The following LTBP4 variants were observed in gnomAD, a reference collection of about 807,000 sequenced individuals.
LTBP4 encodes latent-transforming growth factor beta-binding protein 4.
Under a neutral mutation model 180.2 loss-of-function variants are expected in LTBP4, and 93 were observed. That is an observed-to-expected ratio of 0.52 (90% CI 0.44 to 0.61). LTBP4 has a LOEUF of 0.61. Ranked by LOEUF, LTBP4 falls within the 20% of genes least tolerant of loss-of-function variation. LTBP4 has a pLI of 0.00. For missense variants in LTBP4, 2,116 were observed against 2,256.5 expected (o/e 0.94, Z 1.26); for synonymous variants, 947 against 934.5 (o/e 1.01, Z -0.24).
chr19:40,606,974 C>T (rs2081467441), intron 6 of LTBP4, among the ~76,000 whole-genome samples: 1 of 152,168 alleles, frequency 6.6e-6, no homozygotes, highest in African/African-American at 2.4e-5. Context: ...TGGCCTCAAA[C>T]CCCTGGCTTC....
rs201533251 is a variant in LTBP4, at chr19:40,613,975, G to C, written c.2617G>C (p.Gly873Arg). ...GAGCGGCATCTGTACCAACACCGAC[G>C]GCTCCTTCGAGTGCATCTGTCCTCC... ...CQSGICTNTD[G>R]SFECICPPGH... Residue 873 changes from glycine to arginine, a missense_variant, in exon 18 of 30, where the codon GGC becomes CGC. Physicochemically the swap from Gly to Arg is moderately radical, Grantham distance 125 (BLOSUM62 -2). This residue lies in a region of LTBP4 where 877 missense variants were observed against 873.6 expected (regional missense o/e 1.00). Coordinates refer to ENST00000396819, the MANE Select transcript of LTBP4 (RefSeq NM_001042545.2). This position sits in a 1 kb window ranked among gnomAD's most constrained non-coding sequence, Gnocchi z 5.0. 3.2e-4 allele frequency: 523 copies of C among 1,613,670 alleles called. No individual in the cohort carries two copies. Among genetic ancestry groups the C allele is most frequent in the Non-Finnish European group, 4.3e-4 (503 of 1,179,820 alleles).
chr19:40,600,904 C>T (rs1260897706), upstream of LTBP4, among the ~76,000 whole-genome samples: 1 of 152,138 alleles, frequency 6.6e-6, no homozygotes, highest in African/African-American at 2.4e-5. This position sits in a 1 kb window ranked among gnomAD's most constrained non-coding sequence, Gnocchi z 4.4. Context: ...CGACCCTTCT[C>T]CCATCCCTCA....
Position 40,613,045 on chromosome 19 carries a change from AACACCCCCAC to A in LTBP4, c.2300-19_2300-10del. 1 of 1,609,954 alleles carries A rather than the reference AACACCCCCAC, an allele frequency of 6.2e-7. No homozygotes were observed. Among genetic ancestry groups the A allele is most frequent in the Admixed American group, 1.7e-5 (1 of 59,594 alleles). On this transcript the variant is annotated splice_polypyrimidine_tract_variant and intron_variant, in intron 15 of 29. Coordinates refer to ENST00000396819, the MANE Select transcript of LTBP4 (RefSeq NM_001042545.2). This position sits in a 1 kb window ranked among gnomAD's most constrained non-coding sequence, Gnocchi z 5.0. ...GTGTCCCGAGACTGGACCCTTTCTG[AACACCCCCAC>A]CCCCCACAGATGTGGACGAATGCAG...
In LTBP4 at chr19:40,614,369, A is replaced by G. The variant is rs774224570; in HGVS notation, c.2735A>G (p.Glu912Gly). 15 of 1,600,342 alleles carry G rather than the reference A, an allele frequency of 9.4e-6. No individual in the cohort carries two copies. Among genetic ancestry groups the G allele is most frequent in the Middle Eastern group, 1.6e-4 (1 of 6,084 alleles). ...GCCCTGTGCGGGTCGCAGCGCTGTG[A>G]GAACTCTCCCGGCTCCTACCGCTGT... The part of the protein sequence containing the change: ...GPALCGSQRC[E>G]NSPGSYRCVR... The change falls in exon 19 of 30, where the codon GAG becomes GGG. Residue 912 changes from glutamate (E) to glycine (G), a missense_variant. Transcript: ENST00000396819.
In LTBP4 at chr19:40,609,405, G is replaced by T; in HGVS notation, c.1427-125G>T. ...AAGATGGAGATCAGAAGAAGACTGG[G>T]CTTGCTTGGGGAGGAGACATCCATG... On this transcript the variant is annotated intron_variant, in intron 9 of 29. Coordinates refer to ENST00000396819, the MANE Select transcript of LTBP4 (RefSeq NM_001042545.2). The surrounding 1 kb of genome is among the most constrained non-coding windows in gnomAD (Gnocchi z 4.9). 8.1e-7 allele frequency: 1 copy of T among 1,237,176 alleles called. No individual in the cohort carries two copies. Among genetic ancestry groups the T allele is most frequent in the East Asian group, 2.4e-5 (1 of 42,306 alleles). The allele number at this position is 1,237,176 out of a possible 1,614,324, so 76.6% of individuals were successfully genotyped here. A position where few individuals can be genotyped will look rare whatever the true frequency, so the allele number is the denominator to read the frequency against.
At chr19:40,600,601 G>A (rs989618268), upstream of LTBP4, among the ~76,000 whole-genome samples, 2 of 152,020 alleles carry the variant, frequency 1.3e-5, no homozygotes, top group Non-Finnish European at 2.9e-5. This position sits in a 1 kb window ranked among gnomAD's most constrained non-coding sequence, Gnocchi z 4.4. Flanking sequence ...CCCTCCTCCC[G>A]CTCCAGCTCT....
chr19:40,614,572 G>T, intron 19 of LTBP4, 126 bp downstream of exon 19: 2 of 1,240,634 alleles, frequency 1.6e-6, no homozygotes, highest in Non-Finnish European at 2.2e-6. Flanking sequence ...CCCTCTCACC[G>T]TATCTCTGTA....
Position 40,613,673 on chromosome 19 carries a change from C to T in LTBP4, c.2557+144C>T. The T allele has an allele frequency of 7.4e-7, 1 of 1,356,686 alleles. No homozygotes were observed. Among genetic ancestry groups the T allele is most frequent in the Non-Finnish European group, 1.0e-6 (1 of 989,750 alleles). The allele number at this position is 1,356,686 out of a possible 1,614,324, so 84.0% of individuals were successfully genotyped here. ...ATCAGGGGGCAGCTGGTGGGAGTCTCGAGGCAGTGAGGGGGGGCGGGGCGT... is the reference window on the plus strand; with the variant it reads ...ATCAGGGGGCAGCTGGTGGGAGTCTTGAGGCAGTGAGGGGGGGCGGGGCGT... On this transcript the variant is annotated intron_variant, in intron 17 of 29. Transcript: ENST00000396819. This position sits in a 1 kb window ranked among gnomAD's most constrained non-coding sequence, Gnocchi z 5.0.
At chr19:40,604,947 G>T in intron 1 of LTBP4, 88 bp from the exon 2 acceptor site, 1 of 1,253,050 alleles carries the variant, frequency 8.0e-7, no homozygotes, top group Non-Finnish European at 1.1e-6. Flanking sequence ...GAGCGACTTA[G>T]AAATGAATGA....
At position 40,625,325 on chromosome 19, in the gene LTBP4, T is replaced by TTG. The variant is rs1321383792; in HGVS notation, c.3833-531_3833-530insGT. On this transcript the variant is annotated intron_variant, in intron 26 of 29. Transcript: ENST00000396819. ...ATATATATATATATATATTTTTTTT[T>TTG]TTAAAGATGGGTTTTTGCCATGTTG... Among the ~76,000 whole-genome samples, 2 of 75,018 alleles carry TTG rather than the reference T, an allele frequency of 2.7e-5. 1 individual carries two copies. The highest frequency in any genetic ancestry group is 4.7e-5 in the Non-Finnish European group (2 of 42,464). The allele number at this position is 75,018 out of a possible 152,430, so 49.2% of individuals were successfully genotyped here.
chr19:40,623,848 A>G, intron 25 of LTBP4, 88 bp from the exon 26 acceptor site: 1 of 1,598,720 alleles, frequency 6.3e-7, no homozygotes, highest in South Asian at 1.1e-5. Flanking sequence ...TCTAGACTCC[A>G]TCCATCACAC....
Position 40,601,399 on chromosome 19 carries a change from C to T in LTBP4, c.12C>T (p.Gly4=), listed in dbSNP as rs2081422716. Residue 4 remains glycine, a synonymous_variant, in exon 1 of 30, where the codon GGC becomes GGT. Coordinates refer to ENST00000396819, the MANE Select transcript of LTBP4 (RefSeq NM_001042545.2). MAG[G]VRLLWVSLLV... ...GCGGCGCTGCAGCCATGGCGGGCGG[C>T]GTGCGGCTGCTCTGGGTGTCGCTAT... is the stretch of plus-strand genomic sequence containing the variant. 9 of 1,313,868 alleles carry T rather than the reference C, an allele frequency of 6.8e-6. No individual in the cohort carries two copies. The highest frequency in any genetic ancestry group is 3.1e-5 in the African/African-American group (2 of 65,500). The allele number at this position is 1,313,868 out of a possible 1,614,324, so 81.4% of individuals were successfully genotyped here.
intron 9 of LTBP4, 78 bp downstream of exon 9, chr19:40,608,681 G>A: frequency 6.6e-7 from 1 of 1,506,962 alleles, no homozygotes; most frequent in Non-Finnish European, 8.9e-7. Context: ...GGGAGGCTGA[G>A]GAGGGTGGAT....
chr19:40,609,992 C>G lies in LTBP4; in HGVS notation c.1684+121C>G. 1 of 1,343,748 alleles carries G rather than the reference C, an allele frequency of 7.4e-7. No homozygotes were observed. Among genetic ancestry groups the G allele is most frequent in the Non-Finnish European group, 9.8e-7 (1 of 1,017,356 alleles). The allele number at this position is 1,343,748 out of a possible 1,614,324, so 83.2% of individuals were successfully genotyped here. A position where few individuals can be genotyped will look rare whatever the true frequency, so the allele number is the denominator to read the frequency against. On this transcript the variant is annotated intron_variant, in intron 11 of 29. Transcript: ENST00000396819. The surrounding 1 kb of genome is among the most constrained non-coding windows in gnomAD (Gnocchi z 4.9). ...CGGGTCCCGCCCCAGGACTGCTCTG[C>G]CCTGGCCCTTGGCCCTGCCCTTCCC... is the stretch of plus-strand genomic sequence containing the variant.
At position 40,613,696 on chromosome 19, in the gene LTBP4, C is replaced by T; in HGVS notation, c.2557+167C>T. 1 of 1,255,860 alleles carries T rather than the reference C, an allele frequency of 8.0e-7. No homozygotes were observed. Among genetic ancestry groups the T allele is most frequent in the Non-Finnish European group, 1.1e-6 (1 of 898,494 alleles). 77.8% of individuals were successfully genotyped at this position (1,255,860 alleles called of 1,614,324 possible). A position where few individuals can be genotyped will look rare whatever the true frequency, so the allele number is the denominator to read the frequency against. On this transcript the variant is annotated intron_variant, in intron 17 of 29. Transcript: ENST00000396819. The surrounding 1 kb of genome is among the most constrained non-coding windows in gnomAD (Gnocchi z 5.0). ...CTCGAGGCAGTGAGGGGGGGCGGGG[C>T]GTGGAGATGAAAGGGCCGAGTCTGG...
rs1231305257 is a variant in LTBP4, at chr19:40,605,140, G to A, written c.356G>A (p.Gly119Asp). Residue 119 changes from glycine to aspartate, a missense_variant, in exon 2 of 30, where the codon GGC (glycine) becomes GAC (aspartate). By Grantham distance (94) the Gly-to-Asp change is moderately conservative. Transcript: ENST00000396819. This position sits in a 1 kb window ranked among gnomAD's most constrained non-coding sequence, Gnocchi z 5.5. ...AGKFCQLHSS[G>D]ARPPAPAVPG... is the part of the protein sequence containing the mutation. Reference sequence around the variant, plus strand: ...AAGTTCTGCCAGTTGCACTCCTCGGGCGCCCGGCCCCCGGCCCCGGCTGTA... The same window carrying A: ...AAGTTCTGCCAGTTGCACTCCTCGGACGCCCGGCCCCCGGCCCCGGCTGTA... 1.9e-6 allele frequency: 3 copies of A among 1,613,286 alleles called. No individual in the cohort carries two copies. Among genetic ancestry groups the A allele is most frequent in the Non-Finnish European group, 2.5e-6 (3 of 1,179,688 alleles).
rs768974250 is a variant in LTBP4 at position 40,612,167 on chromosome 19, C to A, written c.2274C>A (p.His758Gln). 1.4e-5 allele frequency: 22 copies of A among 1,609,456 alleles called. No individual in the cohort carries two copies. The South Asian group carries it at 2.4e-4, about 18-fold the overall frequency. ...SFQCRTCPSG[H>Q]HLHRGRCTDV... The stretch of plus-strand genomic sequence containing the variant: ...AGTGCAGGACCTGTCCTTCTGGCCA[C>A]CACCTGCACCGTGGCAGATGCACTG... Residue 758 changes from histidine to glutamine, a missense_variant, in exon 15 of 30, where the codon CAC (histidine) becomes CAA (glutamine). Transcript: ENST00000396819.
At chr19:40,619,535 A>G in intron 22 of LTBP4, 42 bp downstream of exon 22, 2 of 1,556,898 alleles carry the variant, frequency 1.3e-6, no homozygotes, top group East Asian at 2.3e-5. Flanking sequence ...GGCTGGCCCC[A>G]TGGGAAAATC....
intron 1 of LTBP4, among the ~76,000 whole-genome samples, chr19:40,593,736 C>T (rs566323219): frequency 8.1e-4 from 123 of 151,336 alleles, no homozygotes; most frequent in African/African-American, 2.7e-3. Context: ...CCAGAACGCT[C>T]GTGTTGCTGA....
Sources: gnomAD v4.1 joint callset for allele counts (sites outside exome capture counted in the v4.1 genomes callset) on GRCh38, gnomAD v4.1.1 for gene constraint, gnomAD v4.1.1 regional missense constraint, Gnocchi (gnomAD v3.1) non-coding constraint, MANE v1.5 for transcripts, NCBI Gene and HGNC (gene_info 2026-07-23, HGNC 2026-07-21) for gene names.